AK5: variants seen among roughly 807,000 people sequenced by gnomAD.
AK5 encodes the protein adenylate kinase 5, also known as adenylate kinase isoenzyme 5.
In AK5, 27 loss-of-function variants were observed where a neutral mutation model predicts 69.5. That is an observed-to-expected ratio of 0.39 (90% CI 0.29 to 0.54). AK5 has a LOEUF of 0.54. Ranked by LOEUF, AK5 falls within the 20% of genes least tolerant of loss-of-function variation. The pLI is 0.71. For synonymous variants in AK5, 260 were observed against 244.4 expected, an observed-to-expected ratio of 1.06 and a Z score of -0.60; for missense variants, 531 against 700.4, an observed-to-expected ratio of 0.76 and a Z score of 2.73.
chr1:77,515,829 T>C (rs897973450), intron 10 of AK5, among the ~76,000 whole-genome samples: 4 of 151,762 alleles, frequency 2.6e-5, no homozygotes, highest in African/African-American at 9.7e-5. Flanking sequence ...GGTGAGAGGA[T>C]CGCTTGAGGC....
intron 5 of AK5, among the ~76,000 whole-genome samples, chr1:77,335,935 G>C (rs1217258696): frequency 6.6e-6 from 1 of 152,100 alleles, no homozygotes; most frequent in Non-Finnish European, 1.5e-5. Context: ...TCTTTTCTCT[G>C]TGCACTCACA....
chr1:77,312,671 G>A (rs1428619675), intron 5 of AK5, among the ~76,000 whole-genome samples: 1 of 151,218 alleles, frequency 6.6e-6, no homozygotes, highest in Non-Finnish European at 1.5e-5. Context: ...ACATCACCAC[G>A]GATGCAATCA....
At chr1:77,287,204 C>A in intron 2 of AK5, 77 bp downstream of exon 2, 2 of 1,057,260 alleles carry the variant, frequency 1.9e-6, no homozygotes, top group Non-Finnish European at 2.5e-6. Context: ...AGACTATACA[C>A]AGTGATTTCA....
chr1:77,282,509 C>G (rs957806610), intron 1 of AK5, 136 bp downstream of exon 1: 3 of 1,384,296 alleles, frequency 2.2e-6, no homozygotes, highest in Non-Finnish European at 2.8e-6. Context: ...CGCACTCGCC[C>G]GCTCCCCCGA....
intron 5 of AK5, among the ~76,000 whole-genome samples, chr1:77,298,797 C>T (rs921525556): frequency 2.8e-4 from 42 of 152,168 alleles, no homozygotes; most frequent in African/African-American, 9.2e-4. Flanking sequence ...GATGGCACCA[C>T]TGCACTTCAG....
At chr1:77,367,579 A>ATATATATATATATGAT (rs71075732) in intron 6 of AK5, among the ~76,000 whole-genome samples, 4 of 53,396 alleles carry the variant, frequency 7.5e-5, no homozygotes, top group African/African-American at 3.2e-4. Context: ...ATATATATAT[A>ATATATATATATATGAT]ATATATATGT....
At chr1:77,481,898 C>T (rs1277850034) in intron 8 of AK5, among the ~76,000 whole-genome samples, 1 of 152,150 alleles carries the variant, frequency 6.6e-6, no homozygotes, top group Non-Finnish European at 1.5e-5. Flanking sequence ...ACTGATCCAT[C>T]AATAAAGGAC....
intron 13 of AK5, among the ~76,000 whole-genome samples, chr1:77,537,211 G>A (rs1659019158): frequency 1.3e-5 from 2 of 152,078 alleles, no homozygotes; most frequent in African/African-American, 4.8e-5. Context: ...AGGAGGACTC[G>A]GCTGAGTCTC....
chr1:77,514,213 C>T (rs1657511621), intron 10 of AK5, among the ~76,000 whole-genome samples: 1 of 152,062 alleles, frequency 6.6e-6, no homozygotes, highest in Non-Finnish European at 1.5e-5. Context: ...TGAATCATAT[C>T]ACGTGGTATG....
intron 8 of AK5, among the ~76,000 whole-genome samples, chr1:77,477,003 AGTGTGTGTGT>A (rs10625085): frequency 1.4e-5 from 2 of 147,000 alleles, no homozygotes; most frequent in African/African-American, 5.0e-5. Context: ...TGTTCTTTTT[AGTGTGTGTGT>A]GTGTGTGTGT....
chr1:77,304,515 C>A (rs1659528316), intron 5 of AK5, among the ~76,000 whole-genome samples: 1 of 151,826 alleles, frequency 6.6e-6, no homozygotes, highest in African/African-American at 2.4e-5. Context: ...AAGCAATTCT[C>A]CTGCCTCAGC....
intron 8 of AK5, among the ~76,000 whole-genome samples, chr1:77,448,397 G>A (rs892689885): frequency 6.6e-6 from 1 of 152,146 alleles, no homozygotes; most frequent in Admixed American, 6.5e-5. Flanking sequence ...ACCCACTCTG[G>A]GTCTCCTCTC....
At position 77,367,908 on chromosome 1, in the gene AK5, TAA is replaced by T. The variant is rs374711041; in HGVS notation, c.891+27343_891+27344del. On this transcript the variant is annotated intron_variant, in intron 6 of 13. Coordinates refer to ENST00000354567, the MANE Select transcript of AK5 (RefSeq NM_174858.3). ...AAATATATGTGATATATATTATATA[TAA>T]AATATATGTGATATATATTATATAT... Among the ~76,000 whole-genome samples the T allele has an allele frequency of 7.5e-4, 32 of 42,404 alleles. 1 individual carries two copies. The highest frequency in any genetic ancestry group is 2.2e-3 in the African/African-American group (30 of 13,358). 27.8% of individuals were successfully genotyped at this position (42,404 alleles called of 152,430 possible).
At chr1:77,336,882 T>C (rs562312272) in intron 5 of AK5, among the ~76,000 whole-genome samples, 2 of 152,324 alleles carry the variant, frequency 1.3e-5, no homozygotes, top group Admixed American at 1.3e-4. Flanking sequence ...GCATTTTAAA[T>C]ATGTCATGCT....
intron 6 of AK5, among the ~76,000 whole-genome samples, chr1:77,364,152 A>AT (rs1646912082): frequency 6.6e-6 from 1 of 152,226 alleles, no homozygotes; most frequent in Non-Finnish European, 1.5e-5. Context: ...GTTAATGGAC[A>AT]TTAAGAATTA....
chr1:77,461,494 G>A lies in AK5; in HGVS notation c.1060-21823G>A, dbSNP rs1172256144. Among the ~76,000 whole-genome samples, 9 of 151,798 alleles carry A rather than the reference G, an allele frequency of 5.9e-5. No individual in the cohort carries two copies. The East Asian group carries it at 7.8e-4, about 13-fold the overall frequency. On this transcript the variant is annotated intron_variant, in intron 8 of 13. Coordinates refer to ENST00000354567, the MANE Select transcript of AK5 (RefSeq NM_174858.3). ...TACATTCAAGAAATCTATTGTGGCC[G>A]GGCACGGTGGCTTACGCCTGTAATC...
At chr1:77,374,418 C>CTTTTT (rs34141642) in intron 6 of AK5, among the ~76,000 whole-genome samples, 1 of 138,798 alleles carries the variant, frequency 7.2e-6, no homozygotes, top group Non-Finnish European at 1.5e-5. Context: ...TGAGGTAATG[C>CTTTTT]TTTTTTTTTT....
intron 6 of AK5, among the ~76,000 whole-genome samples, chr1:77,368,242 T>TG (rs1557535429): frequency 7.9e-5 from 1 of 12,716 alleles, no homozygotes; most frequent in Non-Finnish European, 2.3e-4. Context: ...TATATATATA[T>TG]ATATATATAT....
chr1:77,412,381 C>G (rs1023670769), intron 7 of AK5, among the ~76,000 whole-genome samples: 3 of 152,194 alleles, frequency 2.0e-5, no homozygotes, highest in Non-Finnish European at 4.4e-5. Context: ...TTTCTCCTCT[C>G]TGTACCTCAG....
Sources: gnomAD v4.1 joint callset for allele counts (sites outside exome capture counted in the v4.1 genomes callset) on GRCh38, gnomAD v4.1.1 for gene constraint, MANE v1.5 for transcripts, NCBI Gene and HGNC (gene_info 2026-07-23, HGNC 2026-07-21) for gene names.